Variants in PCDH15 observed in about 807,000 individuals in gnomAD.
The protein encoded by PCDH15 is protocadherin-15.
Under a neutral mutation model 178.5 loss-of-function variants are expected in PCDH15, and 129 were observed. The ratio of observed to expected loss-of-function variants is 0.72; its 90% CI spans 0.63 to 0.84. The LOEUF (loss-of-function observed/expected upper bound fraction) is 0.84. PCDH15 is among the 40% of genes least tolerant of loss of function. The probability of loss-of-function intolerance (pLI) is 0.00; values close to 1 mark genes in which losing one functional copy is unlikely to be tolerated. For synonymous variants in PCDH15, 800 were observed against 732.0 expected (o/e 1.09, Z -1.50); for missense variants, 2,230 against 2,099.9 (o/e 1.06, Z -1.21).
In PCDH15 at chr10:54,317,315, G is replaced by A. The variant is rs767577700; in HGVS notation, c.832C>T (p.Arg278Cys). The change falls in exon 8 of 38, where the codon CGT (arginine) becomes TGT (cysteine). Residue 278 changes from arginine (R) to cysteine (C), a missense_variant. Coordinates refer to ENST00000644397, the MANE Select transcript of PCDH15 (RefSeq NM_001384140.1). ...CVLVPNTRDC[R>C]PLTYQAAIPE... is the part of the protein sequence containing the mutation. ...ATGGCAGCTTGATAAGTGAGTGGAC[G>A]GCAATCACGAGTGTTTGGCACAAGG... 14 of 1,613,736 alleles carry A rather than the reference G, an allele frequency of 8.7e-6. No homozygotes were observed. The highest frequency in any genetic ancestry group is 8.0e-5 in the African/African-American group (6 of 74,886).
At chr10:55,223,462 A>G (rs559428143) in intron 1 of PCDH15, among the ~76,000 whole-genome samples, 22 of 152,260 alleles carry the variant, frequency 1.4e-4, no homozygotes, top group African/African-American at 5.3e-4. Flanking sequence ...TTTTATTCAG[A>G]ATTCCCAATG....
intron 2 of PCDH15, among the ~76,000 whole-genome samples, chr10:55,421,464 A>G (rs1447733826): frequency 6.7e-6 from 1 of 149,598 alleles, no homozygotes; most frequent in Non-Finnish European, 1.5e-5. Flanking sequence ...TTTTCATAAT[A>G]TGATAAATTT....
intron 20 of PCDH15, among the ~76,000 whole-genome samples, chr10:54,002,617 G>T (rs951416123): frequency 6.6e-6 from 1 of 152,114 alleles, no homozygotes; most frequent in African/African-American, 2.4e-5. Flanking sequence ...AAATTGATAA[G>T]AAAATTGAAA....
chr10:54,395,147 G>A (rs1297394817), intron 3 of PCDH15, among the ~76,000 whole-genome samples: 1 of 152,052 alleles, frequency 6.6e-6, no homozygotes, highest in Non-Finnish European at 1.5e-5. Context: ...GACAGGCATA[G>A]GAAATCACAA....
chr10:53,893,538 A>G (rs1037479709), intron 26 of PCDH15, among the ~76,000 whole-genome samples: 4 of 152,250 alleles, frequency 2.6e-5, no homozygotes, highest in African/African-American at 9.6e-5. Context: ...AAAATCTGGA[A>G]CTAGCCTAAA....
intron 2 of PCDH15, among the ~76,000 whole-genome samples, chr10:55,528,841 C>T (rs975112846): frequency 8.5e-5 from 13 of 152,072 alleles, no homozygotes; most frequent in Non-Finnish European, 1.9e-4. Flanking sequence ...ACAGTCCCAC[C>T]AACAGTGTAA....
intron 13 of PCDH15, among the ~76,000 whole-genome samples, chr10:54,182,854 T>G (rs1162384059): frequency 6.6e-6 from 1 of 152,230 alleles, no homozygotes; most frequent in Non-Finnish European, 1.5e-5. Flanking sequence ...GCTATGCTTT[T>G]TTTTTTAAAG....
intron 2 of PCDH15, among the ~76,000 whole-genome samples, chr10:54,548,956 GT>G (rs75357517): frequency 0.27 from 40,314 of 151,280 alleles, 5,704 homozygotes; most frequent in East Asian, 0.33. Flanking sequence ...TTCTAGAAAT[GT>G]GTCTATTTTG....
intron 3 of PCDH15, among the ~76,000 whole-genome samples, chr10:54,421,632 G>T: frequency 7.7e-6 from 1 of 130,252 alleles, no homozygotes; most frequent in Admixed American, 8.1e-5. Flanking sequence ...TTTGTGTTAG[G>T]GCCTACATTT....
chr10:55,551,921 A>G (rs1055884534), intron 2 of PCDH15, among the ~76,000 whole-genome samples: 5 of 151,764 alleles, frequency 3.3e-5, no homozygotes, highest in African/African-American at 1.2e-4. Flanking sequence ...TTACTTGTCT[A>G]AGTGTAAAAT....
chr10:54,126,337 T>G (rs1411983029), intron 15 of PCDH15, among the ~76,000 whole-genome samples: 1 of 152,008 alleles, frequency 6.6e-6, no homozygotes, highest in East Asian at 1.9e-4. Context: ...CTCAAACACT[T>G]TTTTCTACAT....
intron 2 of PCDH15, among the ~76,000 whole-genome samples, chr10:55,147,673 T>G (rs1011345900): frequency 6.6e-6 from 1 of 151,346 alleles, no homozygotes; most frequent in African/African-American, 2.4e-5. Context: ...AATTTTATTA[T>G]TATTATACTT....
intron 2 of PCDH15, among the ~76,000 whole-genome samples, chr10:55,039,424 A>G (rs948195036): frequency 2.0e-5 from 3 of 152,178 alleles, no homozygotes; most frequent in Admixed American, 6.6e-5. Flanking sequence ...GCAAATTCTA[A>G]GAATATTCCT....
intron 1 of PCDH15, among the ~76,000 whole-genome samples, chr10:55,180,189 G>A (rs1226951988): frequency 2.0e-5 from 3 of 151,858 alleles, no homozygotes; most frequent in African/African-American, 7.2e-5. Flanking sequence ...CACAAGAGAA[G>A]TACAAAGTAA....
chr10:54,345,450 A>G (rs986762039), intron 6 of PCDH15, among the ~76,000 whole-genome samples: 2 of 152,130 alleles, frequency 1.3e-5, no homozygotes, highest in African/African-American at 4.8e-5. Context: ...TAGTGCATTT[A>G]TAATTGCTTT....
At chr10:54,668,502 A>C (rs2094606748) in intron 1 of PCDH15, among the ~76,000 whole-genome samples, 1 of 152,108 alleles carries the variant, frequency 6.6e-6, no homozygotes, top group African/African-American at 2.4e-5. Context: ...TACTATTCTG[A>C]GTACAGATTT....
intron 3 of PCDH15, among the ~76,000 whole-genome samples, chr10:54,889,966 T>C (rs961126197): frequency 6.6e-6 from 1 of 151,960 alleles, no homozygotes; most frequent in East Asian, 1.9e-4. Context: ...CACATAATTG[T>C]ACCTTTTTAT....
At chr10:53,849,669 T>A (rs1185863150) in intron 28 of PCDH15, among the ~76,000 whole-genome samples, 1 of 151,530 alleles carries the variant, frequency 6.6e-6, no homozygotes, top group East Asian at 1.9e-4. Context: ...TCTAGACCAT[T>A]GTGGCTAACA....
At chr10:54,248,381 A>T (rs2056192623) in intron 8 of PCDH15, among the ~76,000 whole-genome samples, 1 of 152,050 alleles carries the variant, frequency 6.6e-6, no homozygotes, top group African/African-American at 2.4e-5. Flanking sequence ...ATTTAAAGGT[A>T]ACTTCAGTGA....
Sources: allele counts gnomAD v4.1 joint callset (sites outside exome capture counted in the v4.1 genomes callset), GRCh38; gene constraint gnomAD v4.1.1; transcripts MANE v1.5; gene names NCBI Gene and HGNC (gene_info 2026-07-23, HGNC 2026-07-21).